The following DLG2 variants were observed in gnomAD, a reference collection of about 807,000 sequenced individuals.
DLG2 encodes the protein discs large MAGUK scaffold protein 2.
Under a neutral mutation model 132.5 loss-of-function variants are expected in DLG2, and 45 were observed. That is an observed-to-expected ratio of 0.34 (90% CI 0.27 to 0.44). The LOEUF (loss-of-function observed/expected upper bound fraction) is 0.44, where lower values mean the gene tolerates loss of function less well. Among genes scored for constraint, DLG2 ranks in the 20% least tolerant of loss-of-function variants. DLG2 has a pLI of 1.00. For synonymous variants in DLG2, 424 were observed against 419.6 expected (o/e 1.01, Z -0.13); for missense variants, 1,045 against 1,196.9 (o/e 0.87, Z 1.87).
chr11:83,748,315 C>A (rs1338794354), intron 18 of DLG2, among the ~76,000 whole-genome samples: 1 of 152,180 alleles, frequency 6.6e-6, no homozygotes, highest in Non-Finnish European at 1.5e-5. Flanking sequence ...TGGATTAGAC[C>A]TGTATTCTGT....
At chr11:84,468,389 C>T (rs369685566) in intron 7 of DLG2, among the ~76,000 whole-genome samples, 1 of 151,178 alleles carries the variant, frequency 6.6e-6, no homozygotes, top group Non-Finnish European at 1.5e-5. Flanking sequence ...CTGTTCTAGT[C>T]CTTCCATTCA....
intron 16 of DLG2, among the ~76,000 whole-genome samples, chr11:83,863,278 C>A (rs963515743): frequency 6.6e-6 from 1 of 152,168 alleles, no homozygotes; most frequent in African/African-American, 2.4e-5. Flanking sequence ...ACATCTACTA[C>A]TATTCCTGAA....
intron 6 of DLG2, among the ~76,000 whole-genome samples, chr11:84,806,645 G>C (rs2076033032): frequency 6.6e-6 from 1 of 152,072 alleles, no homozygotes; most frequent in African/African-American, 2.4e-5. Context: ...AAAACTAAGA[G>C]AATTTGTCAC....
chr11:83,662,855 C>G (rs1239934772), intron 18 of DLG2, among the ~76,000 whole-genome samples: 4 of 152,172 alleles, frequency 2.6e-5, no homozygotes, highest in African/African-American at 9.7e-5. Flanking sequence ...CAGACTGGCA[C>G]AGGATCACAG....
rs370252901 is a variant in DLG2, at chr11:85,002,699, C to T, written c.357+108962G>A. Among the ~76,000 whole-genome samples the T allele has an allele frequency of 2.8e-4, 42 of 152,070 alleles. No individual in the cohort carries two copies. The East Asian group carries it at 4.5e-3, about 16-fold the overall frequency. On this transcript the variant is annotated intron_variant, in intron 6 of 27. Transcript: ENST00000376104. ...CGACCCTTGAACAACATGGATTTGA[C>T]CTGCAGAGGTCCACTTACATGGGGA...
chr11:83,719,368 G>C (rs1451916803), intron 18 of DLG2, among the ~76,000 whole-genome samples: 1 of 152,202 alleles, frequency 6.6e-6, no homozygotes, highest in Non-Finnish European at 1.5e-5. Context: ...ACTCAAAGGA[G>C]ATGTCTTAGT....
intron 17 of DLG2, among the ~76,000 whole-genome samples, chr11:83,821,225 T>C (rs1441567659): frequency 6.6e-6 from 1 of 152,186 alleles, no homozygotes; most frequent in African/African-American, 2.4e-5. Flanking sequence ...GGGCCAATGC[T>C]GCCCTTGGGA....
intron 6 of DLG2, among the ~76,000 whole-genome samples, chr11:84,658,801 G>A (rs141430011): frequency 6.6e-6 from 1 of 152,246 alleles, no homozygotes; most frequent in Non-Finnish European, 1.5e-5. Context: ...TGCCATGTTT[G>A]TACAGCCTGC....
At chr11:85,520,545 A>G (rs2074224730) in intron 3 of DLG2, among the ~76,000 whole-genome samples, 1 of 152,048 alleles carries the variant, frequency 6.6e-6, no homozygotes, top group African/African-American at 2.4e-5. Context: ...ACACACAAAG[A>G]ATAACCAATG....
chr11:85,547,913 C>T (rs1392480931), intron 3 of DLG2, among the ~76,000 whole-genome samples: 5 of 152,040 alleles, frequency 3.3e-5, no homozygotes, highest in African/African-American at 1.2e-4. Context: ...TCTTAGCTTC[C>T]TTGCATTGGG....
intron 6 of DLG2, among the ~76,000 whole-genome samples, chr11:84,835,831 A>T (rs1328825292): frequency 6.6e-6 from 1 of 151,820 alleles, no homozygotes; most frequent in African/African-American, 2.4e-5. Flanking sequence ...AGATTATGTA[A>T]ATCATGGTAA....
intron 19 of DLG2, among the ~76,000 whole-genome samples, chr11:83,594,092 C>T (rs1476638408): frequency 6.6e-6 from 1 of 152,204 alleles, no homozygotes; most frequent in Non-Finnish European, 1.5e-5. Flanking sequence ...TTATGGCTTG[C>T]CAAATACTGA....
chr11:84,455,868 G>A (rs1388585555), intron 7 of DLG2, among the ~76,000 whole-genome samples: 1 of 151,268 alleles, frequency 6.6e-6, no homozygotes. Context: ...CAGGAATACA[G>A]GCCAAAAAGA....
intron 6 of DLG2, among the ~76,000 whole-genome samples, chr11:84,560,398 T>C (rs923394794): frequency 6.6e-6 from 1 of 152,102 alleles, no homozygotes; most frequent in African/African-American, 2.4e-5. Context: ...AACACCCAGC[T>C]GAAAGGCAAC....
intron 6 of DLG2, among the ~76,000 whole-genome samples, chr11:84,662,013 A>G (rs1446132758): frequency 6.6e-6 from 1 of 151,864 alleles, no homozygotes; most frequent in Non-Finnish European, 1.5e-5. Context: ...TTTCTCTGTA[A>G]TTTCTCTAGT....
At chr11:84,831,989 G>T (rs2153995507) in intron 6 of DLG2, among the ~76,000 whole-genome samples, 1 of 151,640 alleles carries the variant, frequency 6.6e-6, no homozygotes, top group African/African-American at 2.4e-5. Context: ...AAGTTCCTAA[G>T]AACTGCAGGA....
At chr11:83,601,508 TTC>T in intron 19 of DLG2, among the ~76,000 whole-genome samples, 1 of 85,564 alleles carries the variant, frequency 1.2e-5, no homozygotes, top group South Asian at 4.7e-4. Context: ...ATATGTGATG[TTC>T]TTTTTTTTTT....
chr11:84,633,301 G>A (rs972440898), intron 6 of DLG2, among the ~76,000 whole-genome samples: 12 of 151,796 alleles, frequency 7.9e-5, no homozygotes, highest in Non-Finnish European at 1.5e-4. Context: ...TTTTTTTCCT[G>A]GACATTTCAT....
At chr11:84,679,235 A>G (rs1180517189) in intron 6 of DLG2, among the ~76,000 whole-genome samples, 1 of 152,096 alleles carries the variant, frequency 6.6e-6, no homozygotes, top group Admixed American at 6.6e-5. Flanking sequence ...ATAATAATAG[A>G]TATCTGCAGA....
Sources: allele counts gnomAD v4.1 joint callset (sites outside exome capture counted in the v4.1 genomes callset), GRCh38; gene constraint gnomAD v4.1.1; transcripts MANE v1.5; gene names NCBI Gene and HGNC (gene_info 2026-07-23, HGNC 2026-07-21).